Variants in ARFGAP2 observed in about 807,000 individuals in gnomAD.
ARFGAP2 encodes ARF GTPase activating protein 2, also known as ADP-ribosylation factor GTPase-activating protein 2.
Under a neutral mutation model 71.9 loss-of-function variants are expected in ARFGAP2, and 45 were observed. The observed-to-expected ratio is 0.63, with a 90% CI of 0.49 to 0.80. ARFGAP2 has a LOEUF of 0.80. Ranked by LOEUF, ARFGAP2 falls within the 30% of genes least tolerant of loss-of-function variation. The pLI is 0.00. For missense variants in ARFGAP2, 633 were observed against 673.9 expected (o/e 0.94, Z 0.67); for synonymous variants, 248 against 249.2 (o/e 1.00, Z 0.05).
chr11:47,172,652 G>A (rs1231082208), intron 7 of ARFGAP2: 5 of 1,325,702 alleles, frequency 3.8e-6, no homozygotes, highest in East Asian at 4.6e-5. Context: ...ACCAGGCTCC[G>A]CTTCTAAAGC....
At chr11:47,173,718 C>G in intron 6 of ARFGAP2, 41 bp downstream of exon 6, 1 of 1,559,422 alleles carries the variant, frequency 6.4e-7, no homozygotes, top group Non-Finnish European at 8.7e-7. Flanking sequence ...GAGTCCTCTC[C>G]TAGGACCAGG....
chr11:47,166,021 T>C (rs540127199), intron 15 of ARFGAP2, among the ~76,000 whole-genome samples: 1 of 152,248 alleles, frequency 6.6e-6, no homozygotes, highest in South Asian at 2.1e-4. Flanking sequence ...CACGCCATCA[T>C]GCCCAGCTAA....
chr11:47,176,013 T>C, intron 2 of ARFGAP2, 90 bp from the exon 3 acceptor site: 1 of 1,319,570 alleles, frequency 7.6e-7, no homozygotes, highest in Non-Finnish European at 1.1e-6. Context: ...CTCAGGCTGC[T>C]GTAGGCACCC....
rs996013809 is a variant in ARFGAP2 at position 47,175,873 on chromosome 11, T to C, written c.242A>G (p.Gln81Arg). Residue 81 changes from glutamine to arginine, a missense_variant, in exon 3 of 16, where the codon CAG (glutamine) becomes CGG (arginine). Transcript: ENST00000524782. ...NWNWFQLRCM[Q>R]VGGNANATAF... Reference sequence around the variant, plus strand: ...TACCGCATTGGCATTCCCGCCGACCTGCATACACCTCAGCTGGAACCAGTT... The same window carrying C: ...TACCGCATTGGCATTCCCGCCGACCCGCATACACCTCAGCTGGAACCAGTT... The C allele has an allele frequency of 6.2e-7, 1 of 1,614,176 alleles. No individual in the cohort carries two copies. Among genetic ancestry groups the C allele is most frequent in the Non-Finnish European group, 8.5e-7 (1 of 1,180,026 alleles).
At chr11:47,172,215 G>T in intron 8 of ARFGAP2, 66 bp downstream of exon 8, 1 of 1,516,150 alleles carries the variant, frequency 6.6e-7, no homozygotes, top group Non-Finnish European at 9.1e-7. Context: ...GTAAGGTCAA[G>T]GAGTGAACCC....
In ARFGAP2 at chr11:47,175,279, T is replaced by C. The variant is rs149625382; in HGVS notation, c.299A>G (p.Asn100Ser). The stretch of plus-strand genomic sequence containing the variant: ...GCTATTATATTTGGTGTTGGCATCA[T>C]TGGCTGTGCATCCATGTTGGCGAAA... The part of the protein sequence containing the change: ...AFFRQHGCTA[N>S]DANTKYNSRA... The change falls in exon 4 of 16, where the codon AAT (asparagine) becomes AGT (serine). Residue 100 changes from asparagine to serine, a missense_variant. Asn to Ser is a conservative substitution (Grantham distance 46). Coordinates refer to ENST00000524782, the MANE Select transcript of ARFGAP2 (RefSeq NM_032389.6). 1.2e-5 allele frequency: 20 copies of C among 1,614,052 alleles called. No homozygotes were observed. In the African/African-American group the frequency reaches 2.3e-4, roughly 18 times the overall value.
At chr11:47,166,066 G>A (rs1010355060) in intron 15 of ARFGAP2, among the ~76,000 whole-genome samples, 6 of 152,272 alleles carry the variant, frequency 3.9e-5, no homozygotes, top group Middle Eastern at 6.8e-3. Flanking sequence ...GTTTTGCCAT[G>A]TTGGTCAGGC....
rs770952497 is a variant in ARFGAP2, at chr11:47,165,125, G to T, written c.*357C>A. 6.9e-6 allele frequency: 2 copies of T among 289,662 alleles called. No homozygotes were observed. The highest frequency in any genetic ancestry group is 1.3e-5 in the Non-Finnish European group (2 of 156,346). 17.9% of individuals were successfully genotyped at this position (289,662 alleles called of 1,614,324 possible). Reference sequence around the variant, plus strand: ...CAGCAAAAAAAGCCTTCTACCTTCCGCTTTCCCTACCTGGGGAAAGTCTGG... The same window carrying T: ...CAGCAAAAAAAGCCTTCTACCTTCCTCTTTCCCTACCTGGGGAAAGTCTGG... On this transcript the variant is annotated 3_prime_UTR_variant, in exon 16 of 16. Transcript: ENST00000524782.
rs1041145496 is a variant in ARFGAP2, at chr11:47,176,239, C to T, written c.191+277G>A. The T allele has an allele frequency of 6.8e-6, 4 of 587,702 alleles. No individual in the cohort carries two copies. The African/African-American group carries it at 7.4e-5, about 11-fold the overall frequency. The allele number at this position is 587,702 out of a possible 1,614,324, so 36.4% of individuals were successfully genotyped here. A position where few individuals can be genotyped will look rare whatever the true frequency, so the allele number is the denominator to read the frequency against. On this transcript the variant is annotated intron_variant, in intron 2 of 15. Transcript: ENST00000524782. ...TGGTCTAACAACATATCAGCAACAA[C>T]AAGGTCAATGCCTCCCTTTCCCCTC... is the stretch of plus-strand genomic sequence containing the variant.
chr11:47,170,865 GAGCCCAGGAGGCAGAGGT>G (rs772440332), intron 10 of ARFGAP2, among the ~76,000 whole-genome samples: 8 of 152,100 alleles, frequency 5.3e-5, no homozygotes, highest in Non-Finnish European at 1.2e-4. Context: ...AGGATCACCT[GAGCCCAGGAGGCAGAGGT>G]TGCAGTGAGC....
rs560907160 is a variant in ARFGAP2 at position 47,174,876 on chromosome 11, G to C, written c.480+139C>G. On this transcript the variant is annotated intron_variant, in intron 5 of 15. Transcript: ENST00000524782. Reference sequence around the variant, plus strand: ...GGAAACACCTAGGCCTACCCAGCAGGAACAGTGGACTTCATACGTGGTGTC... The same window carrying C: ...GGAAACACCTAGGCCTACCCAGCAGCAACAGTGGACTTCATACGTGGTGTC... 1.7e-5 allele frequency: 15 copies of C among 880,462 alleles called. No homozygotes were observed. In the Admixed American group the frequency reaches 2.5e-4, roughly 14 times the overall value. 54.5% of individuals were successfully genotyped at this position (880,462 alleles called of 1,614,324 possible).
chr11:47,171,822 G>C (rs770775234), intron 8 of ARFGAP2, 22 bp from the exon 9 acceptor site: 15 of 1,611,530 alleles, frequency 9.3e-6, no homozygotes, highest in Middle Eastern at 1.8e-4. Context: ...ATCATGTAAG[G>C]GGCCTTCCCA....
chr11:47,166,607 G>A lies in ARFGAP2; in HGVS notation c.1333-8C>T, dbSNP rs1281378683. 3.1e-6 allele frequency: 5 copies of A among 1,611,466 alleles called. No homozygotes were observed. The highest frequency in any genetic ancestry group is 2.2e-5 in the East Asian group (1 of 44,880). ...CCGAGACCTGGCCTCATACTGTGGT[G>A]AGGAAAAGGCCAGGCCTGGGGATCT... On this transcript the variant is annotated splice_polypyrimidine_tract_variant and splice_region_variant and intron_variant, in intron 13 of 15. Transcript: ENST00000524782.
At chr11:47,173,942 AC>A (rs1245038600) in intron 5 of ARFGAP2, 102 bp from the exon 6 acceptor site, 1 of 1,533,170 alleles carries the variant, frequency 6.5e-7, no homozygotes, top group Admixed American at 2.0e-5. Context: ...CATACTCCAA[AC>A]CCATGAGGAA....
intron 5 of ARFGAP2, 92 bp downstream of exon 5, chr11:47,174,923 A>G: frequency 1.5e-6 from 2 of 1,371,264 alleles, no homozygotes; most frequent in Non-Finnish European, 2.1e-6. Flanking sequence ...ATCAAAGCAA[A>G]TGGAATCTAC....
chr11:47,176,336 G>A (rs1952823278), intron 2 of ARFGAP2, 180 bp downstream of exon 2: 8 of 636,600 alleles, frequency 1.3e-5, no homozygotes, highest in South Asian at 5.8e-5. Context: ...GAGACGGACC[G>A]CCCATGTGCC....
intron 7 of ARFGAP2, chr11:47,172,884 A>G (rs1952657878): frequency 2.3e-6 from 2 of 854,250 alleles, no homozygotes; most frequent in Admixed American, 2.8e-5. Flanking sequence ...TCAGTCTGAC[A>G]GTCACTCTGC....
Position 47,175,976 on chromosome 11 carries a change from T to G in ARFGAP2, c.192-53A>C, listed in dbSNP as rs1282032879. ...CTAGCAGATACCAGCAGGATTTCCC[T>G]GGCAACCCGGATACCTGTCACTTGG... is the stretch of plus-strand genomic sequence containing the variant. On this transcript the variant is annotated intron_variant, in intron 2 of 15. Transcript: ENST00000524782. 6.9e-6 allele frequency: 11 copies of G among 1,592,952 alleles called. No homozygotes were observed. The South Asian group carries it at 9.0e-5, about 13-fold the overall frequency.
Position 47,164,403 on chromosome 11 carries a change from G to C in ARFGAP2, c.*1079C>G. 1.1e-6 allele frequency: 1 copy of C among 893,608 alleles called. No individual in the cohort carries two copies. Among genetic ancestry groups the C allele is most frequent in the South Asian group, 2.0e-5 (1 of 51,216 alleles). The allele number at this position is 893,608 out of a possible 1,614,324, so 55.4% of individuals were successfully genotyped here. A position where few individuals can be genotyped will look rare whatever the true frequency, so the allele number is the denominator to read the frequency against. ...GAAAGAAAGTCAAGTCCCTCTGGGG[G>C]AGGGGCAAGGGGAAGAGTGGTCTGT... is the stretch of plus-strand genomic sequence containing the variant. On this transcript the variant is annotated 3_prime_UTR_variant, in exon 16 of 16. Coordinates refer to ENST00000524782, the MANE Select transcript of ARFGAP2 (RefSeq NM_032389.6).
Sources: gnomAD v4.1 joint callset for allele counts (sites outside exome capture counted in the v4.1 genomes callset) on GRCh38, gnomAD v4.1.1 for gene constraint, MANE v1.5 for transcripts, NCBI Gene and HGNC (gene_info 2026-07-23, HGNC 2026-07-21) for gene names.